SMOC2: variants seen among roughly 807,000 people sequenced by gnomAD.
The protein encoded by SMOC2 is SPARC-related modular calcium-binding protein 2.
A neutral mutation model predicts 61.4 loss-of-function variants in SMOC2; 39 were observed. That is an observed-to-expected ratio of 0.64 (90% confidence interval 0.49 to 0.83). The LOEUF (loss-of-function observed/expected upper bound fraction) is 0.83, where lower values mean the gene tolerates loss of function less well. Ranked by LOEUF, SMOC2 falls within the 40% of genes least tolerant of loss-of-function variation. The pLI is 0.00. For synonymous variants in SMOC2, 247 were observed against 239.9 expected (o/e 1.03, Z -0.27); for missense variants, 556 against 592.9 (o/e 0.94, Z 0.65).
chr6:168,570,120 A>C (rs1158008781), intron 7 of SMOC2, among the ~76,000 whole-genome samples: 2 of 135,058 alleles, frequency 1.5e-5, no homozygotes, highest in Non-Finnish European at 3.1e-5. Flanking sequence ...TACTTTGGGA[A>C]CCATCAGCTG....
chr6:168,607,630 G>A (rs1389371110), intron 8 of SMOC2, among the ~76,000 whole-genome samples: 2 of 149,812 alleles, frequency 1.3e-5, no homozygotes, highest in African/African-American at 2.4e-5. Context: ...AGCTTCACGA[G>A]GTGGATTGGA....
At chr6:168,523,927 A>G (rs1468717986) in intron 2 of SMOC2, among the ~76,000 whole-genome samples, 1 of 152,210 alleles carries the variant, frequency 6.6e-6, no homozygotes, top group East Asian at 1.9e-4. Context: ...GAAGCATCCT[A>G]TTCCATTCTT....
chr6:168,648,028 T>A (rs1308025466), intron 9 of SMOC2, among the ~76,000 whole-genome samples: 1 of 152,054 alleles, frequency 6.6e-6, no homozygotes, highest in Non-Finnish European at 1.5e-5. Flanking sequence ...AAATATTGTG[T>A]TGCTTTATCT....
intron 9 of SMOC2, among the ~76,000 whole-genome samples, chr6:168,617,288 T>C (rs1045457341): frequency 2.0e-4 from 30 of 152,136 alleles, no homozygotes; most frequent in Admixed American, 1.7e-3. Context: ...AAATGTCTAA[T>C]TATGTACAGG....
chr6:168,628,313 A>T (rs933367074), intron 9 of SMOC2, among the ~76,000 whole-genome samples: 2 of 152,172 alleles, frequency 1.3e-5, no homozygotes, highest in Non-Finnish European at 2.9e-5. Context: ...CTCCCAAATA[A>T]AAACCGAGGG....
chr6:168,624,963 A>G (rs1018482349), intron 9 of SMOC2, among the ~76,000 whole-genome samples: 1 of 152,116 alleles, frequency 6.6e-6, no homozygotes, highest in Non-Finnish European at 1.5e-5. Flanking sequence ...ACTCACACAG[A>G]CACATGCACA....
At chr6:168,532,609 G>A (rs903960536) in intron 4 of SMOC2, among the ~76,000 whole-genome samples, 2 of 152,136 alleles carry the variant, frequency 1.3e-5, no homozygotes, top group Non-Finnish European at 2.9e-5. Context: ...ACCAAGAGCT[G>A]GTTCCTGGCA....
intron 1 of SMOC2, among the ~76,000 whole-genome samples, chr6:168,459,984 A>G (rs1056227568): frequency 6.6e-6 from 1 of 151,904 alleles, no homozygotes; most frequent in Non-Finnish European, 1.5e-5. Flanking sequence ...TTCAAGTGAT[A>G]GGCTTCAAAT....
At chr6:168,555,750 G>A (rs1784233081) in intron 7 of SMOC2, among the ~76,000 whole-genome samples, 1 of 152,142 alleles carries the variant, frequency 6.6e-6, no homozygotes, top group African/African-American at 2.4e-5. Flanking sequence ...GGGAGTGGCC[G>A]CCCGGACACA....
intron 4 of SMOC2, among the ~76,000 whole-genome samples, chr6:168,537,227 A>C (rs1783753651): frequency 6.6e-6 from 1 of 150,796 alleles, no homozygotes; most frequent in Non-Finnish European, 1.5e-5. Context: ...GGTCCTATTT[A>C]GAGAGAGCAG....
intron 1 of SMOC2, among the ~76,000 whole-genome samples, chr6:168,443,727 G>A (rs912114194): frequency 2.0e-5 from 3 of 151,996 alleles, no homozygotes; most frequent in East Asian, 1.9e-4. Context: ...TTTTGTCTCC[G>A]GAGGCCCTCA....
At position 168,618,441 on chromosome 6, in the gene SMOC2, C is replaced by T. The variant is rs951880028; in HGVS notation, c.907+10202C>T. Among the ~76,000 whole-genome samples the T allele has an allele frequency of 3.2e-4, 41 of 126,984 alleles. No individual in the cohort carries two copies. The South Asian group carries it at 4.0e-3, about 12-fold the overall frequency. 83.3% of individuals were successfully genotyped at this position (126,984 alleles called of 152,430 possible). A position where few individuals can be genotyped will look rare whatever the true frequency, so the allele number is the denominator to read the frequency against. On this transcript the variant is annotated intron_variant, in intron 9 of 12. Transcript: ENST00000356284. ...TGGCATTAGGAGAGTGGAGGAGAGG[C>T]GGGTAGTGGCATTAGGAGAGTGGAG... is the stretch of plus-strand genomic sequence containing the variant.
intron 1 of SMOC2, among the ~76,000 whole-genome samples, chr6:168,458,348 G>A (rs1318440585): frequency 6.6e-6 from 1 of 150,708 alleles, no homozygotes; most frequent in Non-Finnish European, 1.5e-5. Context: ...GGGGGTCCTG[G>A]GAGGGAGACG....
chr6:168,570,544 T>C (rs1233469245), intron 7 of SMOC2, among the ~76,000 whole-genome samples: 1 of 152,158 alleles, frequency 6.6e-6, no homozygotes, highest in Non-Finnish European at 1.5e-5. Context: ...TGGGATATAT[T>C]TCACCTCTTT....
At chr6:168,516,197 C>T (rs1342734096) in intron 2 of SMOC2, among the ~76,000 whole-genome samples, 1 of 152,146 alleles carries the variant, frequency 6.6e-6, no homozygotes, top group African/African-American at 2.4e-5. Flanking sequence ...GTGATCTAGC[C>T]ATTGACCTTG....
At chr6:168,631,288 G>A (rs1037023345) in intron 9 of SMOC2, among the ~76,000 whole-genome samples, 7 of 152,250 alleles carry the variant, frequency 4.6e-5, no homozygotes, top group Non-Finnish European at 7.3e-5. Flanking sequence ...TTTCGGGGCC[G>A]ATTCCCCGAT....
intron 1 of SMOC2, among the ~76,000 whole-genome samples, chr6:168,459,193 G>A (rs1407995900): frequency 6.6e-6 from 1 of 152,218 alleles, no homozygotes; most frequent in Non-Finnish European, 1.5e-5. Flanking sequence ...GGAGCAAACG[G>A]TTTGACAGGA....
chr6:168,564,233 T>C (rs1356113894), intron 7 of SMOC2, among the ~76,000 whole-genome samples: 1 of 152,118 alleles, frequency 6.6e-6, no homozygotes, highest in Non-Finnish European at 1.5e-5. Context: ...GATTCACACG[T>C]ATTTTCTTCC....
intron 12 of SMOC2, 87 bp from the exon 13 acceptor site, chr6:168,666,334 C>A: frequency 1.3e-6 from 2 of 1,531,284 alleles, no homozygotes; most frequent in South Asian, 2.3e-5. Context: ...TGGTTCAGTT[C>A]ATTCCCAGAA....
Sources: allele counts gnomAD v4.1 joint callset (sites outside exome capture counted in the v4.1 genomes callset), GRCh38; gene constraint gnomAD v4.1.1; transcripts MANE v1.5; gene names NCBI Gene and HGNC (gene_info 2026-07-23, HGNC 2026-07-21).